The following NAT8L variants were observed in gnomAD, a reference collection of about 807,000 sequenced individuals.
NAT8L encodes aspartate N-acetyltransferase.
NAT8L carries 6 observed loss-of-function variants against 21.2 expected under a neutral mutation model. The observed-to-expected ratio is 0.28, with a 90% CI of 0.16 to 0.56. NAT8L has a LOEUF of 0.56. Among genes scored for constraint, NAT8L ranks in the 20% least tolerant of loss-of-function variants. The probability of loss-of-function intolerance (pLI) is 0.93; values close to 1 mark genes in which losing one functional copy is unlikely to be tolerated. For missense variants in NAT8L, 331 were observed against 433.3 expected, an observed-to-expected ratio of 0.76 and a Z score of 2.10; for synonymous variants, 239 against 204.9, an observed-to-expected ratio of 1.17 and a Z score of -1.42.
chr4:2,064,499 G>C lies in NAT8L; in HGVS notation c.*372G>C, dbSNP rs1006945613. On this transcript the variant is annotated 3_prime_UTR_variant, in exon 3 of 3. Transcript: ENST00000423729. Reference sequence around the variant, plus strand: ...CCTCTGCAGCAGATCCCGGGGCCAGGCTCCGGCCCCGCCTGCGGCCCCAGC... The same window carrying C: ...CCTCTGCAGCAGATCCCGGGGCCAGCCTCCGGCCCCGCCTGCGGCCCCAGC... 2 of 156,550 alleles carry C rather than the reference G, an allele frequency of 1.3e-5. No homozygotes were observed. The highest frequency in any genetic ancestry group is 2.8e-5 in the Non-Finnish European group (2 of 71,314). 9.7% of individuals were successfully genotyped at this position (156,550 alleles called of 1,614,324 possible).
chr4:2,063,540 G>C (rs762902778), intron 2 of NAT8L, among the ~76,000 whole-genome samples: 9 of 152,212 alleles, frequency 5.9e-5, no homozygotes, highest in Admixed American at 5.2e-4. Context: ...AGCTCTGGAG[G>C]GGGGCTCTAC....
In NAT8L at chr4:2,066,164, G is replaced by A. The variant is rs1044231697; in HGVS notation, c.*2037G>A. On this transcript the variant is annotated 3_prime_UTR_variant, in exon 3 of 3. Coordinates refer to ENST00000423729, the MANE Select transcript of NAT8L (RefSeq NM_178557.4). ...CGCCAGGGCAGGGCCTGGAGGCCCA[G>A]GGACTGCCAGTGTCTCCTTGATATT... 6 of 152,358 alleles carry A rather than the reference G, an allele frequency of 3.9e-5. No homozygotes were observed. The highest frequency in any genetic ancestry group is 3.3e-4 in the Admixed American group (5 of 15,288). 9.4% of individuals were successfully genotyped at this position (152,358 alleles called of 1,614,324 possible).
At chr4:2,062,079 GAA>G (rs1729904864) in intron 2 of NAT8L, among the ~76,000 whole-genome samples, 1 of 152,320 alleles carries the variant, frequency 6.6e-6, no homozygotes, top group African/African-American at 2.4e-5. Context: ...GGGCCATGAG[GAA>G]GCACAGGCCA....
At chr4:2,062,346 G>T (rs1038549662) in intron 2 of NAT8L, among the ~76,000 whole-genome samples, 3 of 152,094 alleles carry the variant, frequency 2.0e-5, no homozygotes, top group Non-Finnish European at 2.9e-5. Flanking sequence ...TTCTGGGATG[G>T]CCCTGATCTC....
intron 2 of NAT8L, among the ~76,000 whole-genome samples, chr4:2,063,350 G>A (rs576470388): frequency 6.0e-4 from 92 of 152,378 alleles, no homozygotes; most frequent in African/African-American, 2.2e-3. Flanking sequence ...CATTTGGTCT[G>A]GGAGTAGCTG....
intron 2 of NAT8L, among the ~76,000 whole-genome samples, chr4:2,061,842 C>A (rs1432083371): frequency 6.6e-6 from 1 of 152,168 alleles, no homozygotes; most frequent in African/African-American, 2.4e-5. Flanking sequence ...CCTGGAGCGT[C>A]TGTAGGCCAA....
At position 2,064,185 on chromosome 4, in the gene NAT8L, C is replaced by T; in HGVS notation, c.*58C>T. On this transcript the variant is annotated 3_prime_UTR_variant, in exon 3 of 3. Transcript: ENST00000423729. ...GCCCTGTCCGCCTTTGCCCGCCTGC[C>T]CGCCGCCCGGCGCGGCCTGCTTTCA... The T allele has an allele frequency of 9.4e-6, 11 of 1,173,486 alleles. No homozygotes were observed. Among genetic ancestry groups the T allele is most frequent in the Non-Finnish European group, 1.2e-5 (11 of 942,802 alleles). 72.7% of individuals were successfully genotyped at this position (1,173,486 alleles called of 1,614,324 possible). A position where few individuals can be genotyped will look rare whatever the true frequency, so the allele number is the denominator to read the frequency against.
Position 2,059,729 on chromosome 4 carries a change from C to A in NAT8L, c.218C>A (p.Pro73Gln). Residue 73 changes from proline to glutamine, a missense_variant, in exon 1 of 3, where the codon CCG becomes CAG. By Grantham distance (76) the Pro-to-Gln change is moderately conservative. Transcript: ENST00000423729. The surrounding 1 kb of genome is among the most constrained non-coding windows in gnomAD (Gnocchi z 4.8). The stretch of plus-strand genomic sequence containing the variant: ...GGCGGGGCGGGGGGCGCGGGGCCGC[C>A]GGGGGGGCGCGGCGTGTGCATCCGC... ...PHGGAGGAGP[P>Q]GGRGVCIREF... 1 of 1,160,898 alleles carries A rather than the reference C, an allele frequency of 8.6e-7. No individual in the cohort carries two copies. Among genetic ancestry groups the A allele is most frequent in the South Asian group, 3.0e-5 (1 of 33,178 alleles). The allele number at this position is 1,160,898 out of a possible 1,614,324, so 71.9% of individuals were successfully genotyped here.
chr4:2,064,350 C>A lies in NAT8L; in HGVS notation c.*223C>A. ...TTGTTTGTCGCCATAGCCCCTCGCCCTTCCCCACCTGCCTGGGCGGCTTGC... is the reference window on the plus strand; with the variant it reads ...TTGTTTGTCGCCATAGCCCCTCGCCATTCCCCACCTGCCTGGGCGGCTTGC... On this transcript the variant is annotated 3_prime_UTR_variant, in exon 3 of 3. Coordinates refer to ENST00000423729, the MANE Select transcript of NAT8L (RefSeq NM_178557.4). 1 of 222,228 alleles carries A rather than the reference C, an allele frequency of 4.5e-6. No individual in the cohort carries two copies. The highest frequency in any genetic ancestry group is 2.3e-5 in the African/African-American group (1 of 42,664). The allele number at this position is 222,228 out of a possible 1,614,324, so 13.8% of individuals were successfully genotyped here. A position where few individuals can be genotyped will look rare whatever the true frequency, so the allele number is the denominator to read the frequency against.
rs1434722089 is a variant in NAT8L at position 2,066,356 on chromosome 4, G to A, written c.*2229G>A. 1 of 152,374 alleles carries A rather than the reference G, an allele frequency of 6.6e-6. No homozygotes were observed. The highest frequency in any genetic ancestry group is 2.4e-5 in the African/African-American group (1 of 41,460). The allele number at this position is 152,374 out of a possible 1,614,324, so 9.4% of individuals were successfully genotyped here. On this transcript the variant is annotated 3_prime_UTR_variant, in exon 3 of 3. Coordinates refer to ENST00000423729, the MANE Select transcript of NAT8L (RefSeq NM_178557.4). Reference sequence around the variant, plus strand: ...GTTGCTGCCAGGACTTGGTAGAGATGGCAGGAAGGGTGTGCGGGGTGGTTG... The same window carrying A: ...GTTGCTGCCAGGACTTGGTAGAGATAGCAGGAAGGGTGTGCGGGGTGGTTG...
At position 2,066,502 on chromosome 4, in the gene NAT8L, A is replaced by T. The variant is rs1730001834; in HGVS notation, c.*2375A>T. Reference sequence around the variant, plus strand: ...TAGCTTGGTGGCGCCCTTGAAGGCCACTGGGGGGTAGGTGTGTCCTCCCCC... The same window carrying T: ...TAGCTTGGTGGCGCCCTTGAAGGCCTCTGGGGGGTAGGTGTGTCCTCCCCC... On this transcript the variant is annotated 3_prime_UTR_variant, in exon 3 of 3. Coordinates refer to ENST00000423729, the MANE Select transcript of NAT8L (RefSeq NM_178557.4). 1 of 151,056 alleles carries T rather than the reference A, an allele frequency of 6.6e-6. No homozygotes were observed. The highest frequency in any genetic ancestry group is 1.5e-5 in the Non-Finnish European group (1 of 67,716). 9.4% of individuals were successfully genotyped at this position (151,056 alleles called of 1,614,324 possible).
chr4:2,065,550 C>G lies in NAT8L; in HGVS notation c.*1423C>G, dbSNP rs939063235. 3.3e-5 allele frequency: 5 copies of G among 152,308 alleles called. No homozygotes were observed. The highest frequency in any genetic ancestry group is 3.3e-4 in the Admixed American group (5 of 15,290). The allele number at this position is 152,308 out of a possible 1,614,324, so 9.4% of individuals were successfully genotyped here. On this transcript the variant is annotated 3_prime_UTR_variant, in exon 3 of 3. Transcript: ENST00000423729. ...AGAAGAATAAACACTTGCCCAGACC[C>G]CTTTGTGTGGGGGAATTGGGGAGGG...
chr4:2,059,626 T>C lies in NAT8L; in HGVS notation c.115T>C (p.Trp39Arg). ...DALLAAAGAMWPPLPAAPGPA... is the reference protein window; with the variant it reads ...DALLAAAGAMRPPLPAAPGPA... ...GCTGCTCGCCGCCGCCGGCGCCATG[T>C]GGCCCCCGCTGCCCGCCGCGCCCGG... Residue 39 changes from tryptophan (W) to arginine (R), a missense_variant, in exon 1 of 3, where the codon TGG becomes CGG. Coordinates refer to ENST00000423729, the MANE Select transcript of NAT8L (RefSeq NM_178557.4). This position sits in a 1 kb window ranked among gnomAD's most constrained non-coding sequence, Gnocchi z 4.8. The C allele has an allele frequency of 3.1e-6, 3 of 969,830 alleles. No homozygotes were observed. Among genetic ancestry groups the C allele is most frequent in the Non-Finnish European group, 3.7e-6 (3 of 821,726 alleles). 60.1% of individuals were successfully genotyped at this position (969,830 alleles called of 1,614,324 possible). A position where few individuals can be genotyped will look rare whatever the true frequency, so the allele number is the denominator to read the frequency against.
chr4:2,059,616 C>T lies in NAT8L; in HGVS notation c.105C>T (p.Ala35=), dbSNP rs765315001. 7.3e-4 allele frequency: 718 copies of T among 980,076 alleles called. 14 individuals are homozygous for T. Among genetic ancestry groups the T allele is most frequent in the Middle Eastern group, 4.4e-4 (1 of 2,262 alleles). The allele number at this position is 980,076 out of a possible 1,614,324, so 60.7% of individuals were successfully genotyped here. Residue 35 remains alanine (A), a synonymous_variant, in exon 1 of 3, where the codon GCC becomes GCT. Transcript: ENST00000423729. The surrounding 1 kb of genome is among the most constrained non-coding windows in gnomAD (Gnocchi z 4.8). The part of the protein sequence containing the change: ...GAKKDALLAA[A]GAMWPPLPAA... Reference sequence around the variant, plus strand: ...AGAAGGACGCGCTGCTCGCCGCCGCCGGCGCCATGTGGCCCCCGCTGCCCG... The same window carrying T: ...AGAAGGACGCGCTGCTCGCCGCCGCTGGCGCCATGTGGCCCCCGCTGCCCG...
rs968787022 is a variant in NAT8L, at chr4:2,065,404, G to A, written c.*1277G>A. On this transcript the variant is annotated 3_prime_UTR_variant, in exon 3 of 3. Coordinates refer to ENST00000423729, the MANE Select transcript of NAT8L (RefSeq NM_178557.4). ...ATGCTCCTGGTCTCTCCTTCCTGAG[G>A]TCACAGGCAGGGGCTGCCCTGGACG... The A allele has an allele frequency of 2.0e-5, 3 of 147,916 alleles. No individual in the cohort carries two copies. Among genetic ancestry groups the A allele is most frequent in the African/African-American group, 7.5e-5 (3 of 39,936 alleles). The allele number at this position is 147,916 out of a possible 1,614,324, so 9.2% of individuals were successfully genotyped here.
In NAT8L at chr4:2,064,034, C is replaced by T. The variant is rs1321341243; in HGVS notation, c.816C>T (p.His272=). The T allele has an allele frequency of 1.2e-6, 2 of 1,611,586 alleles. No individual in the cohort carries two copies. Among genetic ancestry groups the T allele is most frequent in the Non-Finnish European group, 1.7e-6 (2 of 1,179,566 alleles). Residue 272 remains histidine, a synonymous_variant, in exon 3 of 3, where the codon CAC becomes CAT. Transcript: ENST00000423729. Reference sequence around the variant, plus strand: ...TCAGACACATGGGCGCCAGTGACCACTACGTGCTGCCGGGCATGACCCTCT... The same window carrying T: ...TCAGACACATGGGCGCCAGTGACCATTACGTGCTGCCGGGCATGACCCTCT... ...LGFRHMGASD[H]YVLPGMTLSL... is the part of the protein sequence containing the mutation.
In NAT8L at chr4:2,067,835, GTCTGTTTGGAAGCTGCT is replaced by G. The variant is rs1560952098; in HGVS notation, c.*3718_*3734del. 6.6e-6 allele frequency: 1 copy of G among 152,314 alleles called. No individual in the cohort carries two copies. Among genetic ancestry groups the G allele is most frequent in the Non-Finnish European group, 1.5e-5 (1 of 68,080 alleles). The allele number at this position is 152,314 out of a possible 1,614,324, so 9.4% of individuals were successfully genotyped here. A position where few individuals can be genotyped will look rare whatever the true frequency, so the allele number is the denominator to read the frequency against. On this transcript the variant is annotated 3_prime_UTR_variant, in exon 3 of 3. Coordinates refer to ENST00000423729, the MANE Select transcript of NAT8L (RefSeq NM_178557.4). ...CTGTGTTGCCTGCTGACTTGCTTAT[GTCTGTTTGGAAGCTGCT>G]TCTGTTTGGCCACAGGCCTGTGTTC...
chr4:2,063,187 C>A (rs1227617692), intron 2 of NAT8L, among the ~76,000 whole-genome samples: 1 of 152,274 alleles, frequency 6.6e-6, no homozygotes, highest in Admixed American at 6.5e-5. Context: ...CTGCAGGGAG[C>A]CTTCTGGACG....
rs1394934365 is a variant in NAT8L at position 2,066,132 on chromosome 4, C to T, written c.*2005C>T. 2 of 152,234 alleles carry T rather than the reference C, an allele frequency of 1.3e-5. No individual in the cohort carries two copies. Among genetic ancestry groups the T allele is most frequent in the Non-Finnish European group, 2.9e-5 (2 of 68,072 alleles). The allele number at this position is 152,234 out of a possible 1,614,324, so 9.4% of individuals were successfully genotyped here. A position where few individuals can be genotyped will look rare whatever the true frequency, so the allele number is the denominator to read the frequency against. ...GGTGCTTGGGGGTGGCTGTTGGAGC[C>T]CACCGACGCCAGGGCAGGGCCTGGA... On this transcript the variant is annotated 3_prime_UTR_variant, in exon 3 of 3. Transcript: ENST00000423729.
Sources: gnomAD v4.1 joint callset for allele counts (sites outside exome capture counted in the v4.1 genomes callset) on GRCh38, gnomAD v4.1.1 for gene constraint, Gnocchi (gnomAD v3.1) non-coding constraint, MANE v1.5 for transcripts, NCBI Gene and HGNC (gene_info 2026-07-23, HGNC 2026-07-21) for gene names.